The following PCDH8 variants were observed in gnomAD, a reference collection of about 807,000 sequenced individuals.
PCDH8 encodes protocadherin-8.
PCDH8 carries 36 observed loss-of-function variants against 58.2 expected under a neutral mutation model. The ratio of observed to expected loss-of-function variants is 0.62; its 90% CI spans 0.47 to 0.82. The LOEUF is 0.82. Ranked by LOEUF, PCDH8 falls within the 40% of genes least tolerant of loss-of-function variation. The pLI is 0.00. For synonymous variants in PCDH8, 775 were observed against 728.9 expected (o/e 1.06, Z -1.02); for missense variants, 1,493 against 1,567.8 (o/e 0.95, Z 0.81).
chr13:52,846,323 G>A lies in PCDH8; in HGVS notation c.2114C>T (p.Thr705Ile). Residue 705 changes from threonine (T) to isoleucine (I), a missense_variant, in exon 1 of 3, where the codon ACT becomes ATT. Coordinates refer to ENST00000377942, the MANE Select transcript of PCDH8 (RefSeq NM_002590.4). Reference protein sequence around the residue: ...GGRPPLTTTATVSFVVTAGGG... With the variant: ...GGRPPLTTTAIVSFVVTAGGG... ...CCCTGCTGTTACCACGAAGCTGACA[G>A]TTGCGGTGGTGGTGAGCGGGGGACG... 6.4e-7 allele frequency: 1 copy of A among 1,569,742 alleles called. No homozygotes were observed. The highest frequency in any genetic ancestry group is 1.2e-5 in the South Asian group (1 of 86,410).
chr13:52,847,470 C>A lies in PCDH8; in HGVS notation c.967G>T (p.Asp323Tyr), dbSNP rs1965760529. The A allele has an allele frequency of 1.9e-6, 3 of 1,591,752 alleles. No homozygotes were observed. The highest frequency in any genetic ancestry group is 2.6e-6 in the Non-Finnish European group (3 of 1,175,330). The change falls in exon 1 of 3, where the codon GAC (aspartate) becomes TAC (tyrosine). Residue 323 changes from aspartate (D) to tyrosine (Y), a missense_variant. Asp to Tyr is a radical substitution (Grantham distance 160, BLOSUM62 -3). Coordinates refer to ENST00000377942, the MANE Select transcript of PCDH8 (RefSeq NM_002590.4). Reference protein sequence around the residue: ...DYERQDTYELDVRAQDRGPGP... With the variant: ...DYERQDTYELYVRAQDRGPGP... ...GGTCCGCGGTCCTGCGCCCGCACGT[C>A]CAGCTCGTAGGTGTCCTGACGCTCG...
chr13:52,844,201 C>CAAA lies in PCDH8; in HGVS notation c.*358_*359insTTT, dbSNP rs1419111670. On this transcript the variant is annotated 3_prime_UTR_variant, in exon 3 of 3. Coordinates refer to ENST00000377942, the MANE Select transcript of PCDH8 (RefSeq NM_002590.4). ...TTTGTTTTTTGTCTTACAGACAGTT[C>CAAA]CTTTGGCAATAACTTCCACTTTAGC... is the stretch of plus-strand genomic sequence containing the variant. 5.1e-5 allele frequency: 8 copies of CAAA among 156,388 alleles called. No homozygotes were observed. The highest frequency in any genetic ancestry group is 1.9e-4 in the African/African-American group (8 of 41,598). 9.7% of individuals were successfully genotyped at this position (156,388 alleles called of 1,614,324 possible). A position where few individuals can be genotyped will look rare whatever the true frequency, so the allele number is the denominator to read the frequency against.
chr13:52,847,066 G>A lies in PCDH8; in HGVS notation c.1371C>T (p.Arg457=). 6.4e-7 allele frequency: 1 copy of A among 1,561,158 alleles called. No homozygotes were observed. The highest frequency in any genetic ancestry group is 8.6e-7 in the Non-Finnish European group (1 of 1,157,304). The change falls in exon 1 of 3, where the codon CGC becomes CGT. Residue 457 remains arginine (R), a synonymous_variant. Coordinates refer to ENST00000377942, the MANE Select transcript of PCDH8 (RefSeq NM_002590.4). The stretch of plus-strand genomic sequence containing the variant: ...TCAAGTTGTACTCGGCGATGCGTTC[G>A]CGGTCCAGCGACGCCGCGGTCACCA... ...YLVVTAASLD[R]ERIAEYNLTL...
In PCDH8 at chr13:52,846,372, G is replaced by T. The variant is rs1160826263; in HGVS notation, c.2065C>A (p.Leu689Ile). The T allele has an allele frequency of 6.3e-7, 1 of 1,586,916 alleles. No homozygotes were observed. Among genetic ancestry groups the T allele is most frequent in the Non-Finnish European group, 8.6e-7 (1 of 1,168,976 alleles). ...CGGCCGCCGTCGGATATGACCAGGAGCGCCCTGAACACGCGACCGGGTGGC... is the reference window on the plus strand; with the variant it reads ...CGGCCGCCGTCGGATATGACCAGGATCGCCCTGAACACGCGACCGGGTGGC... ...QEPPGRVFRA[L>I]LVISDGGRPP... The change falls in exon 1 of 3, where the codon CTC (leucine) becomes ATC (isoleucine). Residue 689 changes from leucine to isoleucine, a missense_variant. Leu to Ile is a conservative substitution (Grantham distance 5). Transcript: ENST00000377942.
In PCDH8 at chr13:52,844,537, G is replaced by A. The variant is rs1264292743; in HGVS notation, c.*23C>T. 2 of 1,551,554 alleles carry A rather than the reference G, an allele frequency of 1.3e-6. No individual in the cohort carries two copies. Among genetic ancestry groups the A allele is most frequent in the East Asian group, 2.3e-5 (1 of 44,282 alleles). ...GGGCTTCTCGGAGTGACCTGTATAT[G>A]TGTGAAGACATGCAGCATGGGATTA... On this transcript the variant is annotated 3_prime_UTR_variant, in exon 3 of 3. Transcript: ENST00000377942.
In PCDH8 at chr13:52,848,240, A is replaced by G. The variant is rs750387992; in HGVS notation, c.197T>C (p.Met66Thr). 9 of 1,613,554 alleles carry G rather than the reference A, an allele frequency of 5.6e-6. No individual in the cohort carries two copies. The African/African-American group carries it at 8.0e-5, about 14-fold the overall frequency. The change falls in exon 1 of 3, where the codon ATG becomes ACG. Residue 66 changes from methionine (M) to threonine (T), a missense_variant. Met to Thr is a moderately conservative substitution (Grantham distance 81, BLOSUM62 -1). Coordinates refer to ENST00000377942, the MANE Select transcript of PCDH8 (RefSeq NM_002590.4). ...GAGCAGAGAGCTGTTGAATTGCTTC[A>G]TCAGGCGGAAGCTTGTGTCACCCGA... ...KVSGDTSFRL[M>T]KQFNSSLLRV...
At position 52,844,694 on chromosome 13, in the gene PCDH8, C is replaced by T; in HGVS notation, c.3079G>A (p.Asp1027Asn). The change falls in exon 3 of 3, where the codon GAC becomes AAC. Residue 1027 changes from aspartate (D) to asparagine (N), a missense_variant. Coordinates refer to ENST00000377942, the MANE Select transcript of PCDH8 (RefSeq NM_002590.4). The stretch of plus-strand genomic sequence containing the variant: ...GGGGAGAGCAGAGTGACTGTCCTGT[C>T]ATAGTCTCTGTGCAGTACTTTCTCA... ...VYEKVLHRDYDRTVTLLSPPR... is the reference protein window; with the variant it reads ...VYEKVLHRDYNRTVTLLSPPR... 6.2e-7 allele frequency: 1 copy of T among 1,614,172 alleles called. No homozygotes were observed. The highest frequency in any genetic ancestry group is 8.5e-7 in the Non-Finnish European group (1 of 1,180,028).
chr13:52,848,597 C>G lies in PCDH8; in HGVS notation c.-161G>C. On this transcript the variant is annotated 5_prime_UTR_variant, in exon 1 of 3. Transcript: ENST00000377942. ...GCCTCCAGCGGGCTCTGAGGACGCG[C>G]GGACCCGCCCTCACTCTGCGCCTCT... 7.4e-7 allele frequency: 1 copy of G among 1,346,788 alleles called. No individual in the cohort carries two copies. Among genetic ancestry groups the G allele is most frequent in the Middle Eastern group, 2.3e-4 (1 of 4,322 alleles). 83.4% of individuals were successfully genotyped at this position (1,346,788 alleles called of 1,614,324 possible).
intron 2 of PCDH8, 152 bp from the exon 3 acceptor site, chr13:52,845,085 A>C: frequency 1.1e-6 from 1 of 873,658 alleles, no homozygotes; most frequent in East Asian, 2.7e-5. Flanking sequence ...AATCGAAGGC[A>C]CATTGCTTCC....
Position 52,845,977 on chromosome 13 carries a change from G to A in PCDH8, c.2460C>T (p.Asp820=). The change falls in exon 1 of 3, where the codon GAC becomes GAT. Residue 820 remains aspartate, a synonymous_variant. Transcript: ENST00000377942. Reference sequence around the variant, plus strand: ...TGCCGGTGCCAGGGAAGGTGAGCACGTCGAACATGTTGGGCCTGGGCCCGG... The same window carrying A: ...TGCCGGTGCCAGGGAAGGTGAGCACATCGAACATGTTGGGCCTGGGCCCGG... ...RGAGPRPNMF[D]VLTFPGTGKA... The A allele has an allele frequency of 2.0e-6, 3 of 1,490,642 alleles. No individual in the cohort carries two copies. The highest frequency in any genetic ancestry group is 8.8e-7 in the Non-Finnish European group (1 of 1,133,790). The allele number at this position is 1,490,642 out of a possible 1,614,324, so 92.3% of individuals were successfully genotyped here.
rs759232639 is a variant in PCDH8 at position 52,844,789 on chromosome 13, C to T, written c.2984G>A (p.Arg995Gln). 13 of 1,613,056 alleles carry T rather than the reference C, an allele frequency of 8.1e-6. No homozygotes were observed. Among genetic ancestry groups the T allele is most frequent in the Middle Eastern group, 3.3e-4 (2 of 6,082 alleles). ...STFCKSTSLP[R>Q]DPLRRDNYYQ... ...GTAATTGTCCCTGCGCAGAGGATCC[C>T]GAGGCAGTGACGTGCTCTTACAGAA... Residue 995 changes from arginine to glutamine, a missense_variant, in exon 3 of 3, where the codon CGG (arginine) becomes CAG (glutamine). This residue lies in a region of PCDH8 where 182 missense variants were observed against 178.9 expected (regional missense o/e 1.02). Transcript: ENST00000377942.
intron 2 of PCDH8, 123 bp downstream of exon 2, chr13:52,845,302 T>C (rs1451956069): frequency 4.5e-6 from 4 of 896,656 alleles, no homozygotes; most frequent in Admixed American, 4.0e-5. Context: ...TCCGCAGCTG[T>C]AGGAGTGAGA....
chr13:52,846,126 C>T lies in PCDH8; in HGVS notation c.2311G>A (p.Ala771Thr). The change falls in exon 1 of 3, where the codon GCC becomes ACC. Residue 771 changes from alanine (A) to threonine (T), a missense_variant. Physicochemically the swap from Ala to Thr is moderately conservative, Grantham distance 58. Transcript: ENST00000377942. ...TTCTTGCGGCGGTTGCAGGTGGTGGCGATGGCGATGATGGCGGCCAGCAGC... is the reference window on the plus strand; with the variant it reads ...TTCTTGCGGCGGTTGCAGGTGGTGGTGATGGCGATGATGGCGGCCAGCAGC... ...TLLLAAIIAI[A>T]TTCNRRKKEV... is the part of the protein sequence containing the mutation. 1.3e-6 allele frequency: 2 copies of T among 1,581,954 alleles called. No individual in the cohort carries two copies. Among genetic ancestry groups the T allele is most frequent in the Non-Finnish European group, 1.7e-6 (2 of 1,171,548 alleles).
chr13:52,845,923 G>T lies in PCDH8; in HGVS notation c.2514C>A (p.Asp838Glu), dbSNP rs759020777. ...GKAPFGSPAADAPPPAVAAAE... is the reference protein window; with the variant it reads ...GKAPFGSPAAEAPPPAVAAAE... ...CCGCGGCGACCGCAGGCGGAGGCGC[G>T]TCCGCCGCGGGGCTGCCAAAGGGCG... The change falls in exon 1 of 3, where the codon GAC becomes GAA. Residue 838 changes from aspartate (D) to glutamate (E), a missense_variant. Coordinates refer to ENST00000377942, the MANE Select transcript of PCDH8 (RefSeq NM_002590.4). 4 of 1,479,690 alleles carry T rather than the reference G, an allele frequency of 2.7e-6. No individual in the cohort carries two copies. Among genetic ancestry groups the T allele is most frequent in the East Asian group, 5.4e-5 (2 of 36,726 alleles). 91.7% of individuals were successfully genotyped at this position (1,479,690 alleles called of 1,614,324 possible).
In PCDH8 at chr13:52,847,557, G is replaced by C. The variant is rs1046725636; in HGVS notation, c.880C>G (p.Arg294Gly). 1 of 1,565,912 alleles carries C rather than the reference G, an allele frequency of 6.4e-7. No homozygotes were observed. The highest frequency in any genetic ancestry group is 1.4e-5 in the African/African-American group (1 of 72,508). Residue 294 changes from arginine to glycine, a missense_variant, in exon 1 of 3, where the codon CGC (arginine) becomes GGC (glycine). This residue lies in a region of PCDH8 where 1,307 missense variants were observed against 1,362.7 expected (regional missense o/e 0.96). Transcript: ENST00000377942. The stretch of plus-strand genomic sequence containing the variant: ...CGCGGGTCAAGCCGAAAGAGGCGGC[G>C]CGCCTCCGGCGGGGTGCGGGCGCCA... ...AFGARTPPEA[R>G]RLFRLDPRSG...
In PCDH8 at chr13:52,847,552, G is replaced by A; in HGVS notation, c.885C>T (p.Arg295=). Residue 295 remains arginine (R), a synonymous_variant, in exon 1 of 3, where the codon CGC becomes CGT. Coordinates refer to ENST00000377942, the MANE Select transcript of PCDH8 (RefSeq NM_002590.4). The part of the protein sequence containing the change: ...FGARTPPEAR[R]LFRLDPRSGR... ...CTGATCGCGGGTCAAGCCGAAAGAG[G>A]CGGCGCGCCTCCGGCGGGGTGCGGG... 1 of 1,570,686 alleles carries A rather than the reference G, an allele frequency of 6.4e-7. No individual in the cohort carries two copies. Among genetic ancestry groups the A allele is most frequent in the Non-Finnish European group, 8.6e-7 (1 of 1,166,222 alleles).
Position 52,845,990 on chromosome 13 carries a change from G to A in PCDH8, c.2447C>T (p.Pro816Leu). 1 of 1,476,564 alleles carries A rather than the reference G, an allele frequency of 6.8e-7. No homozygotes were observed. Among genetic ancestry groups the A allele is most frequent in the Non-Finnish European group, 8.9e-7 (1 of 1,128,256 alleles). The allele number at this position is 1,476,564 out of a possible 1,614,324, so 91.5% of individuals were successfully genotyped here. Reference sequence around the variant, plus strand: ...GAAGGTGAGCACGTCGAACATGTTGGGCCTGGGCCCGGCTCCCCGGGCGGC... The same window carrying A: ...GAAGGTGAGCACGTCGAACATGTTGAGCCTGGGCCCGGCTCCCCGGGCGGC... ...EEAARGAGPR[P>L]NMFDVLTFPG... is the part of the protein sequence containing the mutation. The change falls in exon 1 of 3, where the codon CCC becomes CTC. Residue 816 changes from proline to leucine, a missense_variant. Pro to Leu is a moderately conservative substitution (Grantham distance 98). This residue lies in a region of PCDH8 where 1,307 missense variants were observed against 1,362.7 expected (regional missense o/e 0.96). Coordinates refer to ENST00000377942, the MANE Select transcript of PCDH8 (RefSeq NM_002590.4).
Position 52,847,223 on chromosome 13 carries a change from G to T in PCDH8, c.1214C>A (p.Ala405Glu). The change falls in exon 1 of 3, where the codon GCG becomes GAG. Residue 405 changes from alanine (A) to glutamate (E), a missense_variant. Transcript: ENST00000377942. ...CAGGGCCACCAGGCTCTCGCGCGCC[G>T]CCCCCTCCGGCACCAGCGAAGTGGC... ...AGATSLVPEG[A>E]ARESLVALVS... 2 of 1,396,892 alleles carry T rather than the reference G, an allele frequency of 1.4e-6. No homozygotes were observed. The highest frequency in any genetic ancestry group is 1.5e-5 in the African/African-American group (1 of 66,586). The allele number at this position is 1,396,892 out of a possible 1,614,324, so 86.5% of individuals were successfully genotyped here.
In PCDH8 at chr13:52,847,718, T is replaced by A. The variant is rs1372548391; in HGVS notation, c.719A>T (p.Asp240Val). The change falls in exon 1 of 3, where the codon GAC (aspartate) becomes GTC (valine). Residue 240 changes from aspartate to valine, a missense_variant. Physicochemically the swap from Asp to Val is radical, Grantham distance 152. Transcript: ENST00000377942. ...GCCCTGCGGGAAGGCCGGGCTGTGG[T>A]CATTCGCATCCAGGACGCGCACGCT... ...ALSVRVLDAN[D>V]HSPAFPQGAV... 6.5e-7 allele frequency: 1 copy of A among 1,529,446 alleles called. No homozygotes were observed. The highest frequency in any genetic ancestry group is 1.4e-5 in the African/African-American group (1 of 71,000). The allele number at this position is 1,529,446 out of a possible 1,614,324, so 94.7% of individuals were successfully genotyped here. A position where few individuals can be genotyped will look rare whatever the true frequency, so the allele number is the denominator to read the frequency against.
Sources: gnomAD v4.1 joint callset for allele counts on GRCh38, gnomAD v4.1.1 for gene constraint, gnomAD v4.1.1 regional missense constraint, MANE v1.5 for transcripts, NCBI Gene and HGNC (gene_info 2026-07-23, HGNC 2026-07-21) for gene names.